Variants in SCAND3 observed in about 807,000 individuals in gnomAD.
The protein encoded by SCAND3 is SCAN domain-containing protein 3.
the SCAND3 span, chr6:28,575,165 T>C: frequency 1.2e-6 from 2 of 1,614,126 alleles, no homozygotes; most frequent in Non-Finnish European, 1.7e-6. This position sits in a 1 kb window ranked among gnomAD's most constrained non-coding sequence, Gnocchi z 4.2. Flanking sequence ...GTCTGTTGCA[T>C]GCTTCTGTGA....
At chr6:28,575,434 A>G in the SCAND3 span, 1 of 1,613,900 alleles carries the variant, frequency 6.2e-7, no homozygotes, top group East Asian at 2.2e-5. The surrounding 1 kb of genome is among the most constrained non-coding windows in gnomAD (Gnocchi z 4.2). Flanking sequence ...AATTGTAAAT[A>G]TATCTAAAAG....
the SCAND3 span, among the ~76,000 whole-genome samples, chr6:28,606,794 C>G: frequency 1.6e-3 from 247 of 152,314 alleles, 6 homozygotes; most frequent in Admixed American, 0.012. Flanking sequence ...GTGCTGGGCC[C>G]GGGGACTGGA....
At chr6:28,571,003 C>T in the SCAND3 span, 2 of 152,252 alleles carry the variant, frequency 1.3e-5, no homozygotes, top group African/African-American at 4.8e-5. Context: ...ATGGCCCAAT[C>T]GCCCATCCTT....
chr6:28,579,705 C>G, the SCAND3 span, among the ~76,000 whole-genome samples: 3 of 152,086 alleles, frequency 2.0e-5, no homozygotes, highest in Non-Finnish European at 4.4e-5. This position sits in a 1 kb window ranked among gnomAD's most constrained non-coding sequence, Gnocchi z 4.5. Context: ...TCTCCTAAAC[C>G]GTGATGACTG....
chr6:28,571,735 A>C, the SCAND3 span: 1 of 565,164 alleles, frequency 1.8e-6, no homozygotes, highest in Non-Finnish European at 2.8e-6. Context: ...ACACATTCTT[A>C]ATTGAAAATA....
At chr6:28,605,859 A>T in the SCAND3 span, among the ~76,000 whole-genome samples, 2 of 152,172 alleles carry the variant, frequency 1.3e-5, no homozygotes, top group African/African-American at 4.8e-5. Flanking sequence ...AAAGAAAGAA[A>T]GAAAGAAATG....
the SCAND3 span, chr6:28,572,161 G>A: frequency 6.2e-7 from 1 of 1,614,028 alleles, no homozygotes; most frequent in Non-Finnish European, 8.5e-7. This position sits in a 1 kb window ranked among gnomAD's most constrained non-coding sequence, Gnocchi z 4.1. Flanking sequence ...AAGTGATGCT[G>A]TATTTTCAAA....
chr6:28,579,475 G>A, the SCAND3 span: 5 of 1,465,668 alleles, frequency 3.4e-6, no homozygotes, highest in Admixed American at 7.8e-5. The surrounding 1 kb of genome is among the most constrained non-coding windows in gnomAD (Gnocchi z 4.5). Flanking sequence ...GTTTGTCATA[G>A]CTAAACTTGT....
chr6:28,603,636 ATT>A, the SCAND3 span, among the ~76,000 whole-genome samples: 4 of 151,728 alleles, frequency 2.6e-5, no homozygotes, highest in Admixed American at 2.0e-4. Context: ...CCTCACTTAC[ATT>A]TTTTTTCTCT....
the SCAND3 span, chr6:28,586,391 C>T: frequency 6.2e-7 from 1 of 1,614,196 alleles, no homozygotes; most frequent in Admixed American, 1.7e-5. The surrounding 1 kb of genome is among the most constrained non-coding windows in gnomAD (Gnocchi z 4.4). Context: ...GCACCCAAGA[C>T]TGGAGCTCCT....
At chr6:28,582,141 T>A in the SCAND3 span, among the ~76,000 whole-genome samples, 1 of 152,178 alleles carries the variant, frequency 6.6e-6, no homozygotes, top group Non-Finnish European at 1.5e-5. This position sits in a 1 kb window ranked among gnomAD's most constrained non-coding sequence, Gnocchi z 4.8. Context: ...GAAGGGGAAA[T>A]TTTAAAGCAA....
At chr6:28,615,615 A>G in the SCAND3 span, among the ~76,000 whole-genome samples, 19,479 of 151,644 alleles carry the variant, frequency 0.13, 1,414 homozygotes, top group Non-Finnish European at 0.16. Context: ...AAAAAAAAAA[A>G]AAGACTAGAC....
chr6:28,571,843 A>G, the SCAND3 span: 3 of 1,544,520 alleles, frequency 1.9e-6, no homozygotes, highest in Non-Finnish European at 1.7e-6. Context: ...TGAAATAGCA[A>G]ATTCCTCACA....
chr6:28,573,074 T>C, the SCAND3 span: 1 of 1,609,506 alleles, frequency 6.2e-7, no homozygotes, highest in Admixed American at 1.7e-5. Context: ...GTTGTGTTTG[T>C]AGGCAAAGAG....
chr6:28,583,470 T>C, the SCAND3 span, among the ~76,000 whole-genome samples: 1 of 152,192 alleles, frequency 6.6e-6, no homozygotes, highest in East Asian at 1.9e-4. Flanking sequence ...CGCTTGAACA[T>C]TTGATGTTAT....
At chr6:28,577,923 C>A in the SCAND3 span, among the ~76,000 whole-genome samples, 2 of 152,128 alleles carry the variant, frequency 1.3e-5, no homozygotes, top group South Asian at 4.1e-4. Context: ...TGTACAGTGT[C>A]CACGTATTGA....
At chr6:28,594,525 C>T in the SCAND3 span, among the ~76,000 whole-genome samples, 1 of 152,210 alleles carries the variant, frequency 6.6e-6, no homozygotes, top group Non-Finnish European at 1.5e-5. Context: ...CATGATGGCA[C>T]ATGCTTGTAA....
At chr6:28,586,310 T>G in the SCAND3 span, 1 of 1,604,732 alleles carries the variant, frequency 6.2e-7, no homozygotes, top group Non-Finnish European at 8.5e-7. This position sits in a 1 kb window ranked among gnomAD's most constrained non-coding sequence, Gnocchi z 4.4. Context: ...GCTGTCTAGG[T>G]TCATCAAGCT....
chr6:28,612,458 T>G, the SCAND3 span, among the ~76,000 whole-genome samples: 2 of 152,198 alleles, frequency 1.3e-5, no homozygotes, highest in Non-Finnish European at 2.9e-5. Flanking sequence ...AAAGACTAGA[T>G]GTTGTAAATT....
Sources: allele counts gnomAD v4.1 joint callset (sites outside exome capture counted in the v4.1 genomes callset), GRCh38; gene constraint gnomAD v4.1.1; non-coding constraint Gnocchi (gnomAD v3.1); transcripts MANE v1.5; gene names NCBI Gene and HGNC (gene_info 2026-07-23, HGNC 2026-07-21).